The following LARS1 variants were observed in gnomAD, a reference collection of about 807,000 sequenced individuals.
The protein encoded by LARS1 is leucine--tRNA ligase, cytoplasmic.
Under a neutral mutation model 162.8 loss-of-function variants are expected in LARS1, and 100 were observed. That is an observed-to-expected ratio of 0.61 (90% CI 0.52 to 0.73). LARS1 has a LOEUF of 0.73. Ranked by LOEUF, LARS1 falls within the 30% of genes least tolerant of loss-of-function variation. The probability of loss-of-function intolerance (pLI) is 0.00; values close to 1 mark genes in which losing one functional copy is unlikely to be tolerated. For synonymous variants in LARS1, 457 were observed against 462.8 expected, an observed-to-expected ratio of 0.99 and a Z score of 0.16; for missense variants, 1,258 against 1,408.9, an observed-to-expected ratio of 0.89 and a Z score of 1.71.
At chr5:146,175,621 C>T (rs899841209) in intron 2 of LARS1, among the ~76,000 whole-genome samples, 4 of 151,134 alleles carry the variant, frequency 2.6e-5, no homozygotes, top group African/African-American at 9.7e-5. Flanking sequence ...AGGCAGATCA[C>T]GAGGTCAGGA....
chr5:146,164,878 A>G (rs1036815119), intron 5 of LARS1, among the ~76,000 whole-genome samples: 8 of 152,236 alleles, frequency 5.3e-5, no homozygotes, highest in African/African-American at 1.9e-4. Context: ...TCCAAGAGAC[A>G]ACCAAATGCC....
chr5:146,167,808 C>T (rs536319348), intron 5 of LARS1, among the ~76,000 whole-genome samples: 4 of 152,104 alleles, frequency 2.6e-5, no homozygotes, highest in East Asian at 1.9e-4. Context: ...GGATTACAGG[C>T]GTGAGCCACC....
intron 14 of LARS1, among the ~76,000 whole-genome samples, chr5:146,150,156 A>G (rs911653081): frequency 2.9e-5 from 4 of 139,504 alleles, no homozygotes; most frequent in African/African-American, 5.0e-5. Flanking sequence ...AAGGAGGCCT[A>G]CTCTTTCACC....
Position 146,128,793 on chromosome 5 carries a change from A to C in LARS1, c.2770-11T>G, listed in dbSNP as rs576194085. Reference sequence around the variant, plus strand: ...TTGTTTGTCAGTCTTCTAGACGGTAAAAGAAAGGAAAAACATTCAATAGCT... The same window carrying C: ...TTGTTTGTCAGTCTTCTAGACGGTACAAGAAAGGAAAAACATTCAATAGCT... On this transcript the variant is annotated splice_polypyrimidine_tract_variant and intron_variant, in intron 26 of 31. Transcript: ENST00000394434. 1 of 1,591,540 alleles carries C rather than the reference A, an allele frequency of 6.3e-7. No homozygotes were observed. Among genetic ancestry groups the C allele is most frequent in the East Asian group, 2.2e-5 (1 of 44,712 alleles).
intron 2 of LARS1, among the ~76,000 whole-genome samples, chr5:146,174,283 T>C (rs1294095117): frequency 6.7e-6 from 1 of 148,916 alleles, no homozygotes; most frequent in African/African-American, 2.5e-5. Context: ...CCGTCTCTAG[T>C]AAAACTACAA....
chr5:146,135,647 G>T lies in LARS1; in HGVS notation c.2166C>A (p.Gly722=). The change falls in exon 22 of 32, where the codon GGC becomes GGA. Residue 722 remains glycine (G), a synonymous_variant. Transcript: ENST00000394434. ...TAGCTTGGGTCAAAGTGAGGAAGTT[G>T]CCTGTGGATTTTGACATCTGAAATA... ...LNSEKMSKST[G]NFLTLTQAID... 1 of 1,597,596 alleles carries T rather than the reference G, an allele frequency of 6.3e-7. No individual in the cohort carries two copies. The highest frequency in any genetic ancestry group is 1.2e-5 in the South Asian group (1 of 86,418).
intron 31 of LARS1, among the ~76,000 whole-genome samples, chr5:146,119,608 C>CT (rs1176255536): frequency 1.3e-5 from 2 of 152,146 alleles, no homozygotes; most frequent in African/African-American, 4.8e-5. Flanking sequence ...GAGAGACACA[C>CT]TATCTCCCTT....
intron 5 of LARS1, among the ~76,000 whole-genome samples, chr5:146,167,867 G>A (rs772375564): frequency 4.0e-5 from 6 of 150,224 alleles, no homozygotes; most frequent in Admixed American, 6.6e-5. Flanking sequence ...TGTATTTTTA[G>A]TAGAGACGGG....
chr5:146,139,034 AT>A, intron 21 of LARS1: 1 of 228,636 alleles, frequency 4.4e-6, no homozygotes, highest in Non-Finnish European at 8.0e-6. Context: ...ATAAAAGTGG[AT>A]TTGTGAAAAA....
rs961396343 is a variant in LARS1 at position 146,140,687 on chromosome 5, T to C, written c.2091-426A>G. Among the ~76,000 whole-genome samples, 65 of 152,278 alleles carry C rather than the reference T, an allele frequency of 4.3e-4. 1 individual carries two copies. Among genetic ancestry groups the C allele is most frequent in the African/African-American group, 1.5e-3 (64 of 41,558 alleles). Reference sequence around the variant, plus strand: ...CGGGTGTGGTGGCTGGCGCCTGTGATCCCAGCTGCTGGGGAGGCTGAGGCA... The same window carrying C: ...CGGGTGTGGTGGCTGGCGCCTGTGACCCCAGCTGCTGGGGAGGCTGAGGCA... On this transcript the variant is annotated intron_variant, in intron 20 of 31. Coordinates refer to ENST00000394434, the MANE Select transcript of LARS1 (RefSeq NM_020117.11).
chr5:146,161,545 A>G (rs989985474), intron 6 of LARS1, among the ~76,000 whole-genome samples: 18 of 152,136 alleles, frequency 1.2e-4, no homozygotes, highest in Admixed American at 9.2e-4. Flanking sequence ...CCTAACCAAC[A>G]TGGAGAAACC....
chr5:146,164,941 A>G (rs1753936602), intron 5 of LARS1, among the ~76,000 whole-genome samples: 1 of 152,228 alleles, frequency 6.6e-6, no homozygotes, highest in South Asian at 2.1e-4. Context: ...ATGAGGCAGC[A>G]TAAGAAAATT....
At chr5:146,129,816 T>G (rs1287221710) in intron 25 of LARS1, among the ~76,000 whole-genome samples, 1 of 152,224 alleles carries the variant, frequency 6.6e-6, no homozygotes, top group Non-Finnish European at 1.5e-5. Flanking sequence ...TGCACTGTTG[T>G]GTATATAAAT....
rs72822208 is a variant in LARS1 at position 146,132,594 on chromosome 5, T to C, written c.2396+304A>G. On this transcript the variant is annotated intron_variant, in intron 23 of 31. Coordinates refer to ENST00000394434, the MANE Select transcript of LARS1 (RefSeq NM_020117.11). ...CAGAAGCAAGTTCATATCCCAAGTT[T>C]GCAACTACTAGCTTTAAGGCATTTA... 0.062 allele frequency: 12,752 copies of C among 205,612 alleles called. 476 individuals are homozygous for C. The highest frequency in any genetic ancestry group is 0.069 in the Non-Finnish European group (7,180 of 104,204). 12.7% of individuals were successfully genotyped at this position (205,612 alleles called of 1,614,324 possible). A position where few individuals can be genotyped will look rare whatever the true frequency, so the allele number is the denominator to read the frequency against.
chr5:146,145,985 A>C (rs1752987626), intron 15 of LARS1, among the ~76,000 whole-genome samples: 1 of 152,266 alleles, frequency 6.6e-6, no homozygotes, highest in Non-Finnish European at 1.5e-5. Context: ...GCTGAAAAGC[A>C]ATCCACTCTG....
At chr5:146,178,855 G>A (rs1323220280) in intron 1 of LARS1, among the ~76,000 whole-genome samples, 2 of 152,108 alleles carry the variant, frequency 1.3e-5, no homozygotes, top group African/African-American at 4.8e-5. Context: ...AACACTTTGG[G>A]AGGCTGAGGA....
intron 14 of LARS1, among the ~76,000 whole-genome samples, chr5:146,150,182 A>AG (rs1282086878): frequency 6.6e-6 from 1 of 151,756 alleles, no homozygotes; most frequent in African/African-American, 2.4e-5. Flanking sequence ...CTTTTTCAGT[A>AG]GGCCAATAAC....
chr5:146,165,341 C>G (rs1753958207), intron 5 of LARS1, among the ~76,000 whole-genome samples: 1 of 151,708 alleles, frequency 6.6e-6, no homozygotes, highest in Non-Finnish European at 1.5e-5. Flanking sequence ...TCTCAAACAA[C>G]AACAACAACA....
chr5:146,146,090 C>T (rs367635465), intron 15 of LARS1, among the ~76,000 whole-genome samples: 13 of 152,232 alleles, frequency 8.5e-5, no homozygotes, highest in African/African-American at 2.9e-4. Flanking sequence ...AAGGGCTGGG[C>T]GTGGTGGCTC....
Sources: gnomAD v4.1 joint callset for allele counts (sites outside exome capture counted in the v4.1 genomes callset) on GRCh38, gnomAD v4.1.1 for gene constraint, MANE v1.5 for transcripts, NCBI Gene and HGNC (gene_info 2026-07-23, HGNC 2026-07-21) for gene names.